The following ALPK1 variants were observed in gnomAD, a reference collection of about 807,000 sequenced individuals.
The protein encoded by ALPK1 is alpha-protein kinase 1.
Under a neutral mutation model 120.6 loss-of-function variants are expected in ALPK1, and 110 were observed. The ratio of observed to expected loss-of-function variants is 0.91; its 90% CI spans 0.78 to 1.07. ALPK1 has a LOEUF of 1.07. Ranked by LOEUF, ALPK1 falls within the 50% of genes least tolerant of loss-of-function variation. The probability of loss-of-function intolerance (pLI) is 0.00; values close to 1 mark genes in which losing one functional copy is unlikely to be tolerated. For missense variants in ALPK1, 1,498 were observed against 1,483.9 expected, an observed-to-expected ratio of 1.01 and a Z score of -0.16; for synonymous variants, 582 against 560.3, an observed-to-expected ratio of 1.04 and a Z score of -0.55.
At chr4:112,410,495 T>G (rs984728031) in intron 4 of ALPK1, among the ~76,000 whole-genome samples, 3 of 152,234 alleles carry the variant, frequency 2.0e-5, no homozygotes, top group African/African-American at 7.2e-5. Context: ...TGTTAGTACT[T>G]AGGATTATGT....
intron 5 of ALPK1, among the ~76,000 whole-genome samples, chr4:112,420,250 A>G (rs967347819): frequency 1.3e-5 from 2 of 152,238 alleles, no homozygotes; most frequent in Non-Finnish European, 2.9e-5. Flanking sequence ...GACAAAGAAA[A>G]ATAAAGCAGA....
chr4:112,322,044 A>C (rs1414303486), intron 2 of ALPK1, among the ~76,000 whole-genome samples: 1 of 152,236 alleles, frequency 6.6e-6, no homozygotes, highest in Non-Finnish European at 1.5e-5. Flanking sequence ...AAAACCGTCA[A>C]GATGGGGGTT....
Position 112,425,721 on chromosome 4 carries a change from C to T in ALPK1, c.592C>T (p.Gln198Ter). 1.2e-6 allele frequency: 2 copies of T among 1,612,770 alleles called. No homozygotes were observed. Among genetic ancestry groups the T allele is most frequent in the African/African-American group, 1.3e-5 (1 of 74,990 alleles). ...DKVLVQSVCI[Q>*]IRGQILQKLG... ...GGTCCTGGTGCAGTCGGTCTGTATACAGATCAGAGGGCAGATTCTGCAAAA... is the reference window on the plus strand; with the variant it reads ...GGTCCTGGTGCAGTCGGTCTGTATATAGATCAGAGGGCAGATTCTGCAAAA... The change falls in exon 7 of 16, where the codon CAG (glutamine) becomes TAG (stop). Residue 198 changes from glutamine to a stop codon, truncating the protein, a stop_gained. Transcript: ENST00000650871. LOFTEE classifies it high-confidence loss of function.
intron 12 of ALPK1, 107 bp downstream of exon 12, chr4:112,435,408 A>C: frequency 1.0e-6 from 1 of 983,400 alleles, no homozygotes; most frequent in Non-Finnish European, 1.5e-6. Context: ...CTTGGCCAAA[A>C]TATATTTCCA....
In ALPK1 at chr4:112,432,566, C is replaced by G; in HGVS notation, c.3019C>G (p.Leu1007Val). 1 of 1,612,570 alleles carries G rather than the reference C, an allele frequency of 6.2e-7. No homozygotes were observed. Among genetic ancestry groups the G allele is most frequent in the Non-Finnish European group, 8.5e-7 (1 of 1,179,870 alleles). The change falls in exon 11 of 16, where the codon CTC becomes GTC. Residue 1007 changes from leucine to valine, a missense_variant. Leu to Val is a conservative substitution (Grantham distance 32). Transcript: ENST00000650871. ...TACGGGGGTTTTTAAGCCCAGTCAACTCCACCGAGCACATAGTAAGTACAA... is the reference window on the plus strand; with the variant it reads ...TACGGGGGTTTTTAAGCCCAGTCAAGTCCACCGAGCACATAGTAAGTACAA... ...ENTGVFKPSQ[L>V]HRAHSALLLK... is the part of the protein sequence containing the mutation.
chr4:112,386,079 T>C (rs1054948579), intron 4 of ALPK1, among the ~76,000 whole-genome samples: 14 of 152,190 alleles, frequency 9.2e-5, no homozygotes, highest in Non-Finnish European at 1.8e-4. Context: ...GTTCATGAGT[T>C]GGTAAAATTA....
intron 4 of ALPK1, among the ~76,000 whole-genome samples, chr4:112,405,792 G>C (rs1051629116): frequency 6.6e-6 from 1 of 152,080 alleles, no homozygotes; most frequent in Non-Finnish European, 1.5e-5. Flanking sequence ...GGCCAGGCTG[G>C]TCTTGAACTC....
intron 4 of ALPK1, among the ~76,000 whole-genome samples, chr4:112,401,606 T>C (rs1303303939): frequency 6.6e-6 from 1 of 151,772 alleles, no homozygotes; most frequent in Non-Finnish European, 1.5e-5. Context: ...TCACAAAGAA[T>C]GATGACTGGA....
intron 2 of ALPK1, among the ~76,000 whole-genome samples, chr4:112,321,114 G>A (rs1319549080): frequency 1.3e-5 from 2 of 151,478 alleles, no homozygotes; most frequent in East Asian, 3.9e-4. Flanking sequence ...AGCCAGGATG[G>A]TCTCGATCTC....
chr4:112,376,689 A>C (rs1731677305), intron 2 of ALPK1, among the ~76,000 whole-genome samples: 1 of 152,228 alleles, frequency 6.6e-6, no homozygotes, highest in East Asian at 1.9e-4. Context: ...ACTTCATTGC[A>C]TGCATAAGCT....
chr4:112,403,163 G>GC (rs1279633279), intron 4 of ALPK1, among the ~76,000 whole-genome samples: 2 of 151,976 alleles, frequency 1.3e-5, no homozygotes, highest in Admixed American at 1.3e-4. Flanking sequence ...ACACAGTTTG[G>GC]CCCTCTTTCA....
intron 12 of ALPK1, 131 bp from the exon 13 acceptor site, chr4:112,438,353 A>T: frequency 1.3e-6 from 1 of 779,716 alleles, no homozygotes; most frequent in Non-Finnish European, 2.0e-6. Flanking sequence ...CAAAATAATT[A>T]ATATTCAGTC....
At chr4:112,359,310 G>T in intron 2 of ALPK1, 1 of 439,166 alleles carries the variant, frequency 2.3e-6, no homozygotes, top group Non-Finnish European at 4.3e-6. Context: ...GGAGTCTACA[G>T]GCTGTAGCCA....
intron 4 of ALPK1, among the ~76,000 whole-genome samples, chr4:112,400,702 C>T (rs1732867832): frequency 1.3e-5 from 2 of 152,152 alleles, no homozygotes; most frequent in South Asian, 4.1e-4. Context: ...AAGACAGATA[C>T]AAAAGAGTAA....
chr4:112,345,164 G>T (rs1243693272), intron 2 of ALPK1, among the ~76,000 whole-genome samples: 1 of 152,186 alleles, frequency 6.6e-6, no homozygotes, highest in East Asian at 1.9e-4. Context: ...TTAATAGGGG[G>T]CGTGCTTCTC....
In ALPK1 at chr4:112,345,703, G is replaced by A. The variant is rs190407934; in HGVS notation, c.-101+29851G>A. Among the ~76,000 whole-genome samples, 377 of 152,286 alleles carry A rather than the reference G, an allele frequency of 2.5e-3. 1 individual carries two copies. The highest frequency in any genetic ancestry group is 8.6e-3 in the African/African-American group (358 of 41,556). On this transcript the variant is annotated intron_variant, in intron 2 of 15. Coordinates refer to ENST00000650871, the MANE Select transcript of ALPK1 (RefSeq NM_025144.4). The stretch of plus-strand genomic sequence containing the variant: ...TTGTTACAAAAGTAGAGGGAGCAAT[G>A]TAAAAACTTCATGTACTCTTATGTA...
intron 2 of ALPK1, among the ~76,000 whole-genome samples, chr4:112,330,868 T>A (rs117195682): frequency 2.2e-4 from 34 of 152,282 alleles, no homozygotes; most frequent in East Asian, 1.9e-3. Flanking sequence ...TGTGGGTGAA[T>A]TAAGCTTTCA....
At chr4:112,328,468 A>T (rs1458897799) in intron 2 of ALPK1, among the ~76,000 whole-genome samples, 1 of 152,232 alleles carries the variant, frequency 6.6e-6, no homozygotes, top group African/African-American at 2.4e-5. Flanking sequence ...GATTTAGATA[A>T]ATAGTTATAC....
At chr4:112,361,989 A>G (rs1289495407) in intron 2 of ALPK1, among the ~76,000 whole-genome samples, 1 of 152,210 alleles carries the variant, frequency 6.6e-6, no homozygotes, top group African/African-American at 2.4e-5. Flanking sequence ...AAGAGCAATA[A>G]CAATCACTGC....
Sources: gnomAD v4.1 joint callset for allele counts (sites outside exome capture counted in the v4.1 genomes callset) on GRCh38, gnomAD v4.1.1 for gene constraint, MANE v1.5 for transcripts, NCBI Gene and HGNC (gene_info 2026-07-23, HGNC 2026-07-21) for gene names.